CCDC88A: variants seen among roughly 807,000 people sequenced by gnomAD.
CCDC88A encodes the protein coiled-coil and HOOK domain protein 88A.
CCDC88A carries 54 observed loss-of-function variants against 234.3 expected under a neutral mutation model. The ratio of observed to expected loss-of-function variants is 0.23; its 90% CI spans 0.19 to 0.29. The LOEUF is 0.29. Among genes scored for constraint, CCDC88A ranks in the 10% least tolerant of loss-of-function variants. CCDC88A has a pLI of 1.00. For missense variants in CCDC88A, 1,832 were observed against 2,123.4 expected, an observed-to-expected ratio of 0.86 and a Z score of 2.70; for synonymous variants, 753 against 737.8, an observed-to-expected ratio of 1.02 and a Z score of -0.33.
At chr2:55,369,090 AG>A (rs1355964108) in intron 5 of CCDC88A, among the ~76,000 whole-genome samples, 2 of 152,084 alleles carry the variant, frequency 1.3e-5, no homozygotes, top group Non-Finnish European at 2.9e-5. Context: ...GCTGGAGTGC[AG>A]TGGCACAATC....
At chr2:55,364,096 T>A (rs1028762922) in intron 5 of CCDC88A, 63 bp from the exon 6 acceptor site, 7 of 752,444 alleles carry the variant, frequency 9.3e-6, no homozygotes, top group Non-Finnish European at 1.3e-5. Flanking sequence ...AAATGTTATA[T>A]ATAACTAAAA....
At chr2:55,369,165 G>C (rs1672455016) in intron 5 of CCDC88A, among the ~76,000 whole-genome samples, 1 of 151,968 alleles carries the variant, frequency 6.6e-6, no homozygotes, top group Non-Finnish European at 1.5e-5. Context: ...TTCCCGAGTA[G>C]CTGGGATTAC....
intron 8 of CCDC88A, among the ~76,000 whole-genome samples, chr2:55,352,608 T>G (rs1278248428): frequency 6.6e-6 from 1 of 152,198 alleles, no homozygotes; most frequent in Non-Finnish European, 1.5e-5. Context: ...ATGAATAGTT[T>G]ATATTAGAAA....
At chr2:55,318,065 C>A (rs765256736) in intron 19 of CCDC88A, among the ~76,000 whole-genome samples, 27 of 151,778 alleles carry the variant, frequency 1.8e-4, no homozygotes, top group South Asian at 4.1e-4. Context: ...TATATATAGA[C>A]ATATATATGT....
chr2:55,292,906 A>T (rs1679593834), intron 31 of CCDC88A: 3 of 152,212 alleles, frequency 2.0e-5, no homozygotes, highest in African/African-American at 7.2e-5. Context: ...GGGGAATTTT[A>T]TGACTCCACA....
intron 9 of CCDC88A, among the ~76,000 whole-genome samples, chr2:55,347,780 T>G (rs1669356838): frequency 1.3e-5 from 2 of 151,134 alleles, no homozygotes; most frequent in South Asian, 4.2e-4. Context: ...CCCAATTAAT[T>G]TTTGTATTTT....
chr2:55,410,436 A>T (rs549013815), intron 2 of CCDC88A, among the ~76,000 whole-genome samples: 7 of 152,332 alleles, frequency 4.6e-5, no homozygotes, highest in Admixed American at 2.0e-4. Flanking sequence ...AAAAGACTAG[A>T]ATATAGATAA....
intron 2 of CCDC88A, among the ~76,000 whole-genome samples, chr2:55,398,263 C>T (rs1027623485): frequency 2.0e-5 from 3 of 152,166 alleles, no homozygotes; most frequent in African/African-American, 7.2e-5. Context: ...CCTAAGCACC[C>T]CAAACCTCTA....
chr2:55,301,845 AC>A, intron 27 of CCDC88A, 26 bp downstream of exon 27: 1 of 1,589,040 alleles, frequency 6.3e-7, no homozygotes, highest in Non-Finnish European at 8.6e-7. Context: ...CAATTACACC[AC>A]AGTGCAAATA....
At chr2:55,396,074 T>TC (rs1677489310) in intron 2 of CCDC88A, among the ~76,000 whole-genome samples, 1 of 151,984 alleles carries the variant, frequency 6.6e-6, no homozygotes, top group East Asian at 1.9e-4. Context: ...TATTTTTTTT[T>TC]TCTTTTTTCT....
chr2:55,338,414 A>G (rs1449793153), intron 13 of CCDC88A, among the ~76,000 whole-genome samples: 1 of 152,230 alleles, frequency 6.6e-6, no homozygotes. Flanking sequence ...GGAACTTCTT[A>G]GAAACAATTC....
chr2:55,382,454 A>C (rs1574382125), intron 3 of CCDC88A, among the ~76,000 whole-genome samples: 1 of 152,272 alleles, frequency 6.6e-6, no homozygotes, highest in Middle Eastern at 3.4e-3. Context: ...TTTAATACTT[A>C]TTCAAACTGC....
chr2:55,341,136 C>CTTTTTTTTT (rs1558701104), intron 12 of CCDC88A, among the ~76,000 whole-genome samples: 1 of 107,948 alleles, frequency 9.3e-6, no homozygotes. Context: ...GACAGAATTT[C>CTTTTTTTTT]TTTCTTTTTT....
intron 2 of CCDC88A, among the ~76,000 whole-genome samples, chr2:55,410,993 A>T (rs942272314): frequency 6.6e-6 from 1 of 152,346 alleles, no homozygotes; most frequent in East Asian, 1.9e-4. Flanking sequence ...TCCAGTTTCA[A>T]TAACTAGCTA....
At chr2:55,363,864 A>G (rs1460633064) in intron 6 of CCDC88A, 86 bp downstream of exon 6, 8 of 657,588 alleles carry the variant, frequency 1.2e-5, no homozygotes, top group African/African-American at 1.9e-5. Context: ...TGCTTATTCT[A>G]TGACTTTGAA....
At chr2:55,407,051 A>T (rs980521947) in intron 2 of CCDC88A, among the ~76,000 whole-genome samples, 2 of 151,934 alleles carry the variant, frequency 1.3e-5, no homozygotes, top group Non-Finnish European at 2.9e-5. Flanking sequence ...CATCTCTACA[A>T]AAAAAAATTT....
At chr2:55,382,418 T>C (rs1172619592) in intron 3 of CCDC88A, among the ~76,000 whole-genome samples, 1 of 152,146 alleles carries the variant, frequency 6.6e-6, no homozygotes, top group Non-Finnish European at 1.5e-5. Flanking sequence ...ATTATTTTAG[T>C]GGTGTTTGAA....
chr2:55,393,056 C>T (rs942379669), intron 2 of CCDC88A, among the ~76,000 whole-genome samples: 4 of 151,756 alleles, frequency 2.6e-5, no homozygotes, highest in African/African-American at 9.7e-5. Context: ...CTACGAAAAA[C>T]CTTGTTGGGA....
At chr2:55,372,811 C>T (rs934652055) in intron 4 of CCDC88A, among the ~76,000 whole-genome samples, 3 of 152,166 alleles carry the variant, frequency 2.0e-5, no homozygotes, top group African/African-American at 7.2e-5. Context: ...CTACCCCAGC[C>T]TGACAAATCA....
Sources: gnomAD v4.1 joint callset for allele counts (sites outside exome capture counted in the v4.1 genomes callset) on GRCh38, gnomAD v4.1.1 for gene constraint, MANE v1.5 for transcripts, NCBI Gene and HGNC (gene_info 2026-07-23, HGNC 2026-07-21) for gene names.